The following CSMD1 variants were observed in gnomAD, a reference collection of about 807,000 sequenced individuals.
The protein encoded by CSMD1 is CUB and Sushi multiple domains 1, also known as CUB and sushi domain-containing protein 1.
A neutral mutation model predicts 417.5 loss-of-function variants in CSMD1; 213 were observed. That is an observed-to-expected ratio of 0.51 (90% confidence interval 0.46 to 0.57). CSMD1 has a LOEUF of 0.57. Among genes scored for constraint, CSMD1 ranks in the 20% least tolerant of loss-of-function variants. The pLI, the probability that CSMD1 is intolerant of heterozygous loss-of-function variation, is 0.00. For missense variants in CSMD1, 6,923 were observed against 4,529.7 expected (o/e 1.53, Z -15.17); for synonymous variants, 2,862 against 1,736.8 (o/e 1.65, Z -16.11).
At chr8:4,682,651 T>C (rs1431298995) in intron 1 of CSMD1, among the ~76,000 whole-genome samples, 1 of 151,980 alleles carries the variant, frequency 6.6e-6, no homozygotes, top group Non-Finnish European at 1.5e-5. Context: ...TTTTGGATTT[T>C]AGGATATTAC....
At chr8:3,526,272 C>A (rs2117482211) in intron 10 of CSMD1, among the ~76,000 whole-genome samples, 1 of 151,760 alleles carries the variant, frequency 6.6e-6, no homozygotes, top group East Asian at 1.9e-4. Flanking sequence ...ATAAAGCTAC[C>A]AAAAGAAAAG....
intron 7 of CSMD1, among the ~76,000 whole-genome samples, chr8:3,688,179 C>A (rs1800044152): frequency 6.6e-6 from 1 of 152,144 alleles, no homozygotes. Context: ...GAGAGCTGGG[C>A]ATAAATTGGA....
intron 1 of CSMD1, among the ~76,000 whole-genome samples, chr8:4,915,460 T>C (rs549387220): frequency 6.6e-6 from 1 of 152,342 alleles, no homozygotes; most frequent in African/African-American, 2.4e-5. Context: ...CTGCGTACAA[T>C]CTTCCTTTCC....
At chr8:4,074,228 T>G (rs1255525090) in intron 3 of CSMD1, among the ~76,000 whole-genome samples, 1 of 152,068 alleles carries the variant, frequency 6.6e-6, no homozygotes. Context: ...TACAGCTTTT[T>G]GTAACCCCAG....
At chr8:2,983,602 T>G (rs2128941392) in intron 54 of CSMD1, among the ~76,000 whole-genome samples, 1 of 152,346 alleles carries the variant, frequency 6.6e-6, no homozygotes, top group South Asian at 2.1e-4. Flanking sequence ...AACCGTGGAC[T>G]TTCACTTGTA....
At chr8:4,078,891 TA>T (rs1799970620) in intron 3 of CSMD1, among the ~76,000 whole-genome samples, 1 of 109,634 alleles carries the variant, frequency 9.1e-6, no homozygotes, top group African/African-American at 4.0e-5. Context: ...ATAATAATAA[TA>T]ATAAATATAT....
chr8:3,798,556 G>C (rs898343290), intron 5 of CSMD1, among the ~76,000 whole-genome samples: 16 of 152,008 alleles, frequency 1.1e-4, no homozygotes, highest in Non-Finnish European at 1.9e-4. Context: ...CTTTTCCAGA[G>C]TTTTGAGAGG....
intron 1 of CSMD1, among the ~76,000 whole-genome samples, chr8:4,890,277 G>C (rs1804024018): frequency 6.6e-6 from 1 of 152,126 alleles, no homozygotes; most frequent in African/African-American, 2.4e-5. Context: ...TGAGAAACGA[G>C]AAATGCAAAT....
chr8:3,317,434 C>T (rs555832336), intron 23 of CSMD1, among the ~76,000 whole-genome samples: 1 of 152,194 alleles, frequency 6.6e-6, no homozygotes, highest in East Asian at 1.9e-4. Context: ...CTCAATCACA[C>T]AAGTGTGGAC....
chr8:4,296,135 G>C (rs1349280174), intron 3 of CSMD1, among the ~76,000 whole-genome samples: 3 of 152,046 alleles, frequency 2.0e-5, no homozygotes, highest in African/African-American at 7.2e-5. Flanking sequence ...ACAATAAGAA[G>C]CGAAAATGGA....
intron 5 of CSMD1, among the ~76,000 whole-genome samples, chr8:3,786,320 T>G (rs1157555108): frequency 6.6e-6 from 1 of 152,008 alleles, no homozygotes; most frequent in African/African-American, 2.4e-5. Flanking sequence ...AAATCCTCTG[T>G]CTGTTGGATG....
At chr8:3,132,337 C>T (rs897273134) in intron 41 of CSMD1, among the ~76,000 whole-genome samples, 19 of 151,394 alleles carry the variant, frequency 1.3e-4, no homozygotes, top group African/African-American at 4.4e-4. Flanking sequence ...TCATGCTAGC[C>T]TAATACATAG....
At chr8:3,383,062 G>A (rs920979757) in intron 18 of CSMD1, among the ~76,000 whole-genome samples, 1 of 151,920 alleles carries the variant, frequency 6.6e-6, no homozygotes, top group Non-Finnish European at 1.5e-5. Context: ...TAGCCAGATT[G>A]GAGAAGAAAT....
At chr8:4,275,894 C>A (rs757442956) in intron 3 of CSMD1, among the ~76,000 whole-genome samples, 1 of 152,112 alleles carries the variant, frequency 6.6e-6, no homozygotes, top group Non-Finnish European at 1.5e-5. Flanking sequence ...AATAAATTAA[C>A]TTGCACAAAA....
intron 3 of CSMD1, among the ~76,000 whole-genome samples, chr8:4,219,832 G>A (rs950736258): frequency 1.3e-5 from 2 of 152,154 alleles, no homozygotes; most frequent in African/African-American, 2.4e-5. Flanking sequence ...TTATCTGTAA[G>A]TTACTTTTAT....
rs1223654735 is a variant in CSMD1 at position 3,795,439 on chromosome 8, T to G, written c.819-41397A>C. Among the ~76,000 whole-genome samples, 11 of 28,400 alleles carry G rather than the reference T, an allele frequency of 3.9e-4. 2 individuals carry two copies. The highest frequency in any genetic ancestry group is 2.2e-3 in the East Asian group (2 of 894). 18.6% of individuals were successfully genotyped at this position (28,400 alleles called of 152,430 possible). On this transcript the variant is annotated intron_variant, in intron 5 of 69. Transcript: ENST00000635120. ...TATATATCTATCATAGATATAGATA[T>G]ATATCTATCATAGATATAGATATAT...
chr8:3,923,084 G>A (rs1191543942), intron 5 of CSMD1, among the ~76,000 whole-genome samples: 4 of 152,038 alleles, frequency 2.6e-5, no homozygotes, highest in African/African-American at 9.7e-5. Context: ...GCCCAGTTGC[G>A]AAGGGCCCTT....
chr8:3,416,805 T>C (rs1813181449), intron 12 of CSMD1, among the ~76,000 whole-genome samples: 1 of 152,220 alleles, frequency 6.6e-6, no homozygotes, highest in South Asian at 2.1e-4. Flanking sequence ...CTGTGACCTG[T>C]CTCCACAAGT....
chr8:4,258,198 G>C (rs1302712223), intron 3 of CSMD1, among the ~76,000 whole-genome samples: 1 of 149,610 alleles, frequency 6.7e-6, no homozygotes, highest in African/African-American at 2.5e-5. Flanking sequence ...TCCTGGCTTG[G>C]CCTTCCAAAG....
Sources: gnomAD v4.1 joint callset for allele counts (sites outside exome capture counted in the v4.1 genomes callset) on GRCh38, gnomAD v4.1.1 for gene constraint, MANE v1.5 for transcripts, NCBI Gene and HGNC (gene_info 2026-07-23, HGNC 2026-07-21) for gene names.